SGCZ: variants seen among roughly 807,000 people sequenced by gnomAD.
SGCZ encodes the protein zeta-sarcoglycan.
SGCZ carries 40 observed loss-of-function variants against 41.3 expected under a neutral mutation model. The observed-to-expected ratio is 0.97, with a 90% confidence interval of 0.75 to 1.26. The LOEUF is 1.26. SGCZ is among the 50% of genes most tolerant of loss of function. The probability of loss-of-function intolerance (pLI) is 0.00; values close to 1 mark genes in which losing one functional copy is unlikely to be tolerated. For synonymous variants in SGCZ, 206 were observed against 137.5 expected (o/e 1.50, Z -3.49); for missense variants, 552 against 369.8 (o/e 1.49, Z -4.04).
In SGCZ at chr8:14,559,706, T is replaced by C. The variant is rs886197013; in HGVS notation, c.40-4780A>G. Among the ~76,000 whole-genome samples the C allele has an allele frequency of 3.9e-5, 6 of 152,276 alleles. No individual in the cohort carries two copies. In the East Asian group the frequency reaches 5.8e-4, roughly 15 times the overall value. ...GTTTCCATTTTTTACCATTGAGGCA[T>C]GTTATGCTTCATACAATAAAAATAA... On this transcript the variant is annotated intron_variant, in intron 1 of 7. Transcript: ENST00000382080.
intron 1 of SGCZ, among the ~76,000 whole-genome samples, chr8:14,932,484 G>C (rs1465652336): frequency 2.6e-5 from 4 of 151,994 alleles, no homozygotes; most frequent in Non-Finnish European, 5.9e-5. Flanking sequence ...TCTGTGTAAA[G>C]AATTTGGTAC....
At chr8:14,649,947 T>C (rs17119939) in intron 1 of SGCZ, among the ~76,000 whole-genome samples, 2 of 151,792 alleles carry the variant, frequency 1.3e-5, no homozygotes, top group African/African-American at 4.8e-5. Flanking sequence ...TTTAGGGCTA[T>C]TGGAAGCAGC....
chr8:14,271,868 T>A (rs1446680791), intron 3 of SGCZ, among the ~76,000 whole-genome samples: 1 of 152,216 alleles, frequency 6.6e-6, no homozygotes, highest in Non-Finnish European at 1.5e-5. Context: ...TACATCTCTC[T>A]TTATAAATCT....
intron 1 of SGCZ, among the ~76,000 whole-genome samples, chr8:14,735,520 T>C (rs1799002581): frequency 1.3e-5 from 2 of 152,182 alleles, no homozygotes; most frequent in African/African-American, 4.8e-5. Context: ...AGTGGTTTGC[T>C]GGGGCCTCTC....
chr8:14,536,782 A>G (rs1007412225), intron 2 of SGCZ, among the ~76,000 whole-genome samples: 2 of 151,880 alleles, frequency 1.3e-5, no homozygotes, highest in African/African-American at 2.4e-5. Flanking sequence ...TTCCCATTCA[A>G]CCTTAATTTC....
chr8:14,818,264 T>C (rs1352714900), intron 1 of SGCZ, among the ~76,000 whole-genome samples: 1 of 152,100 alleles, frequency 6.6e-6, no homozygotes, highest in Non-Finnish European at 1.5e-5. Context: ...TACACACACA[T>C]GTCTGGCCTG....
intron 1 of SGCZ, among the ~76,000 whole-genome samples, chr8:14,903,030 T>C (rs529962609): frequency 1.3e-5 from 2 of 152,264 alleles, no homozygotes; most frequent in East Asian, 3.9e-4. Flanking sequence ...TATAAATAGC[T>C]CTGAAGCCCC....
intron 2 of SGCZ, among the ~76,000 whole-genome samples, chr8:14,514,944 T>G (rs1315494269): frequency 6.6e-6 from 1 of 151,858 alleles, no homozygotes; most frequent in African/African-American, 2.4e-5. Flanking sequence ...TAGTAGAATA[T>G]TTCAAGTGAA....
intron 2 of SGCZ, among the ~76,000 whole-genome samples, chr8:14,432,298 AATAG>A (rs1240299626): frequency 2.0e-5 from 3 of 152,188 alleles, no homozygotes; most frequent in Non-Finnish European, 4.4e-5. Context: ...TCGATCAACA[AATAG>A]ATAAAGAAAC....
intron 1 of SGCZ, among the ~76,000 whole-genome samples, chr8:15,223,031 T>A (rs1216258529): frequency 1.3e-5 from 2 of 152,256 alleles, no homozygotes; most frequent in East Asian, 1.9e-4. Context: ...TTGGGAAATA[T>A]TTTTCCAGAT....
chr8:14,196,904 T>C (rs1805282949), intron 4 of SGCZ, among the ~76,000 whole-genome samples: 1 of 152,038 alleles, frequency 6.6e-6, no homozygotes, highest in Non-Finnish European at 1.5e-5. Flanking sequence ...TATCCAGAAA[T>C]GCCATATTTA....
rs1009706085 is a variant in SGCZ at position 15,126,174 on chromosome 8, A to C, written c.39+111411T>G. Among the ~76,000 whole-genome samples the C allele has an allele frequency of 2.0e-5, 3 of 152,268 alleles. No individual in the cohort carries two copies. The East Asian group carries it at 5.8e-4, about 29-fold the overall frequency. On this transcript the variant is annotated intron_variant, in intron 1 of 7. Coordinates refer to ENST00000382080, the MANE Select transcript of SGCZ (RefSeq NM_139167.4). ...AAAGCAAAACAAACAAACAAACAAA[A>C]AATGATTGACTGAAGTAGATGAATT...
intron 3 of SGCZ, among the ~76,000 whole-genome samples, chr8:14,277,655 G>A (rs892652842): frequency 6.6e-6 from 1 of 152,126 alleles, no homozygotes. Flanking sequence ...ATACCCTGAA[G>A]TATGGTGTTC....
chr8:14,988,915 G>A (rs1018994644), intron 1 of SGCZ, among the ~76,000 whole-genome samples: 1 of 152,104 alleles, frequency 6.6e-6, no homozygotes, highest in African/African-American at 2.4e-5. Flanking sequence ...TGGGGAGGGG[G>A]GGCATTGATT....
At chr8:14,584,788 G>A (rs1168141467) in intron 1 of SGCZ, among the ~76,000 whole-genome samples, 1 of 152,014 alleles carries the variant, frequency 6.6e-6, no homozygotes, top group Non-Finnish European at 1.5e-5. Context: ...TTCCGTGATA[G>A]GAATTAGGCT....
intron 1 of SGCZ, among the ~76,000 whole-genome samples, chr8:14,757,251 G>T (rs748031341): frequency 3.5e-4 from 53 of 152,146 alleles, no homozygotes; most frequent in South Asian, 1.0e-3. Flanking sequence ...GTTTCACTAT[G>T]TTGGCCAGGC....
At chr8:14,141,359 C>T (rs962271442) in intron 5 of SGCZ, among the ~76,000 whole-genome samples, 2 of 152,184 alleles carry the variant, frequency 1.3e-5, no homozygotes, top group African/African-American at 4.8e-5. Context: ...GCAAAAGAAA[C>T]TACCATCAGA....
At chr8:15,010,639 C>T (rs1311168356) in intron 1 of SGCZ, among the ~76,000 whole-genome samples, 1 of 152,122 alleles carries the variant, frequency 6.6e-6, no homozygotes, top group Non-Finnish European at 1.5e-5. Context: ...CTTTTAACAG[C>T]CTGATGATGG....
rs1288182377 is a variant in SGCZ, at chr8:14,084,987, A to AG, written c.*5455dup. Among the ~76,000 whole-genome samples the AG allele has an allele frequency of 3.3e-5, 5 of 151,758 alleles. No homozygotes were observed. Among genetic ancestry groups the AG allele is most frequent in the Admixed American group, 1.3e-4 (2 of 15,170 alleles). ...CATGCTTCAAAAGGTCTCATTTCAG[A>AG]GAAAAAAAGGTTTCCAATTGCCAAA... On this transcript the variant is annotated 3_prime_UTR_variant, in exon 8 of 8. Transcript: ENST00000382080.
Sources: gnomAD v4.1 joint callset for allele counts (sites outside exome capture counted in the v4.1 genomes callset) on GRCh38, gnomAD v4.1.1 for gene constraint, MANE v1.5 for transcripts, NCBI Gene and HGNC (gene_info 2026-07-23, HGNC 2026-07-21) for gene names.